The following NEGR1 variants were observed in gnomAD, a reference collection of about 807,000 sequenced individuals.
NEGR1 encodes neuronal growth regulator 1.
Under a neutral mutation model 40.9 loss-of-function variants are expected in NEGR1, and 10 were observed. The observed-to-expected ratio is 0.24, with a 90% CI of 0.15 to 0.42. The LOEUF is 0.42. Among genes scored for constraint, NEGR1 ranks in the 10% least tolerant of loss-of-function variants. The probability of loss-of-function intolerance (pLI) is 1.00; values close to 1 mark genes in which losing one functional copy is unlikely to be tolerated. For synonymous variants in NEGR1, 185 were observed against 166.8 expected (o/e 1.11, Z -0.84); for missense variants, 352 against 438.9 (o/e 0.80, Z 1.77).
At chr1:72,115,709 G>A (rs948055263) in intron 1 of NEGR1, among the ~76,000 whole-genome samples, 1 of 151,664 alleles carries the variant, frequency 6.6e-6, no homozygotes, top group Non-Finnish European at 1.5e-5. Context: ...TATACGGGAA[G>A]TACCCTGGTG....
intron 1 of NEGR1, among the ~76,000 whole-genome samples, chr1:72,163,750 A>ATAGG (rs1651673504): frequency 8.1e-6 from 1 of 124,220 alleles, no homozygotes; most frequent in Non-Finnish European, 1.7e-5. Flanking sequence ...AGATAGATAG[A>ATAGG]TAGATAGATA....
chr1:72,113,719 C>A (rs187886378), intron 1 of NEGR1, among the ~76,000 whole-genome samples: 302 of 151,852 alleles, frequency 2.0e-3, no homozygotes, highest in African/African-American at 6.9e-3. Context: ...AAACTGTGAT[C>A]TTTCTCTCCT....
intron 1 of NEGR1, among the ~76,000 whole-genome samples, chr1:72,255,015 C>T (rs757739865): frequency 9.2e-5 from 14 of 152,100 alleles, no homozygotes; most frequent in Non-Finnish European, 2.9e-5. Flanking sequence ...GTTTTCCACC[C>T]ATTATCCACA....
intron 2 of NEGR1, among the ~76,000 whole-genome samples, chr1:71,812,165 G>C (rs1658027056): frequency 1.3e-5 from 2 of 151,974 alleles, no homozygotes. Context: ...TTCTGTTTTT[G>C]TGTTAGTTTG....
At chr1:71,659,616 C>T (rs1260766794) in intron 4 of NEGR1, among the ~76,000 whole-genome samples, 2 of 151,932 alleles carry the variant, frequency 1.3e-5, no homozygotes, top group African/African-American at 4.8e-5. Flanking sequence ...CTATAAGAAA[C>T]TTAAATTTAC....
At chr1:72,193,277 A>C (rs1305322145) in intron 1 of NEGR1, among the ~76,000 whole-genome samples, 1 of 151,878 alleles carries the variant, frequency 6.6e-6, no homozygotes, top group Non-Finnish European at 1.5e-5. Context: ...CAATAATTTC[A>C]TACAGAATGA....
At chr1:71,648,374 C>T (rs1256155905) in intron 4 of NEGR1, among the ~76,000 whole-genome samples, 2 of 151,950 alleles carry the variant, frequency 1.3e-5, no homozygotes, top group Non-Finnish European at 2.9e-5. Context: ...TCCAGTAATT[C>T]TGATAACATC....
At chr1:71,434,888 A>C (rs113495344) in intron 6 of NEGR1, among the ~76,000 whole-genome samples, 2 of 152,204 alleles carry the variant, frequency 1.3e-5, no homozygotes, top group Non-Finnish European at 2.9e-5. Flanking sequence ...TCAGGAGATC[A>C]AGACCATCCT....
intron 1 of NEGR1, among the ~76,000 whole-genome samples, chr1:72,127,094 A>G (rs1287575787): frequency 6.6e-6 from 1 of 152,152 alleles, no homozygotes; most frequent in Non-Finnish European, 1.5e-5. Flanking sequence ...ATTGCCCCAC[A>G]ACAGGTAATA....
chr1:72,200,903 CTAATAA>C (rs1324159090), intron 1 of NEGR1, among the ~76,000 whole-genome samples: 2 of 151,826 alleles, frequency 1.3e-5, no homozygotes, highest in Middle Eastern at 3.4e-3. Flanking sequence ...ATATACTTTA[CTAATAA>C]TAAGTTGTCT....
At chr1:72,245,098 C>T (rs1014677455) in intron 1 of NEGR1, among the ~76,000 whole-genome samples, 4 of 151,908 alleles carry the variant, frequency 2.6e-5, no homozygotes, top group African/African-American at 9.7e-5. Flanking sequence ...TATTGGTCAA[C>T]GTAAAATTTT....
intron 2 of NEGR1, among the ~76,000 whole-genome samples, chr1:71,921,694 C>G (rs969598449): frequency 8.6e-6 from 1 of 115,648 alleles, no homozygotes; most frequent in Non-Finnish European, 1.7e-5. Context: ...AGAATAGATA[C>G]AGTACAAGAA....
At chr1:71,463,424 TTG>T (rs1480598015) in intron 6 of NEGR1, 2 of 152,158 alleles carry the variant, frequency 1.3e-5, no homozygotes, top group African/African-American at 4.8e-5. Flanking sequence ...TGTGTCACGT[TTG>T]AACAGATACC....
At chr1:71,603,829 A>G (rs2101534736) in intron 5 of NEGR1, among the ~76,000 whole-genome samples, 1 of 152,308 alleles carries the variant, frequency 6.6e-6, no homozygotes. Context: ...GAAATGCATA[A>G]CCATAAGTAA....
At chr1:71,775,346 C>CTTTT (rs11290277) in intron 3 of NEGR1, among the ~76,000 whole-genome samples, 1 of 131,534 alleles carries the variant, frequency 7.6e-6, no homozygotes, top group African/African-American at 2.7e-5. Flanking sequence ...TATTCTTTAA[C>CTTTT]TTTTTTTTTT....
At chr1:71,548,188 GTTTTAAGCTGCACAA>G (rs1240407007) in intron 6 of NEGR1, among the ~76,000 whole-genome samples, 4 of 151,724 alleles carry the variant, frequency 2.6e-5, no homozygotes, top group Non-Finnish European at 5.9e-5. Context: ...TATGTTTGAT[GTTTTAAGCTGCACAA>G]TTTGGAGATA....
intron 2 of NEGR1, among the ~76,000 whole-genome samples, chr1:71,794,716 GA>G (rs1657256414): frequency 6.6e-6 from 1 of 152,034 alleles, no homozygotes; most frequent in South Asian, 2.1e-4. Flanking sequence ...CAAGCCAGAT[GA>G]AAAAGATTGG....
At chr1:71,935,473 T>C (rs1045867608) in intron 1 of NEGR1, among the ~76,000 whole-genome samples, 162 bp from the exon 2 acceptor site, 2 of 152,094 alleles carry the variant, frequency 1.3e-5, no homozygotes, top group African/African-American at 4.8e-5. Flanking sequence ...GCATCTTCCA[T>C]TCCCAATGCA....
chr1:71,734,527 CT>C (rs1296698136), intron 3 of NEGR1, among the ~76,000 whole-genome samples: 26 of 152,070 alleles, frequency 1.7e-4, no homozygotes, highest in Admixed American at 3.3e-4. Flanking sequence ...TTTCTTTCTC[CT>C]ATGTTAATAA....
Sources: gnomAD v4.1 joint callset for allele counts (sites outside exome capture counted in the v4.1 genomes callset) on GRCh38, gnomAD v4.1.1 for gene constraint, MANE v1.5 for transcripts, NCBI Gene and HGNC (gene_info 2026-07-23, HGNC 2026-07-21) for gene names.